BSN: variants seen among roughly 807,000 people sequenced by gnomAD.
The protein encoded by BSN is protein bassoon.
Under a neutral mutation model 264.8 loss-of-function variants are expected in BSN, and 57 were observed. The observed-to-expected ratio is 0.22, with a 90% CI of 0.17 to 0.27. The LOEUF (loss-of-function observed/expected upper bound fraction) is 0.27. BSN is among the 10% of genes least tolerant of loss of function. The pLI is 1.00. For missense variants in BSN, 4,615 were observed against 5,232.5 expected, an observed-to-expected ratio of 0.88 and a Z score of 3.64; for synonymous variants, 2,059 against 2,137.3, an observed-to-expected ratio of 0.96 and a Z score of 1.01.
At chr3:49,663,967 T>TC (rs2052689538) in intron 8 of BSN, 81 bp downstream of exon 8, 5 of 1,303,172 alleles carry the variant, frequency 3.8e-6, no homozygotes, top group Non-Finnish European at 5.4e-6. Context: ...TGCCCTGAGC[T>TC]CCCCCACACT....
In BSN at chr3:49,669,625, G is replaced by T. The variant is rs1039704140; in HGVS notation, c.*2140G>T. The T allele has an allele frequency of 6.6e-6, 1 of 152,356 alleles. No homozygotes were observed. The highest frequency in any genetic ancestry group is 1.5e-5 in the Non-Finnish European group (1 of 68,082). 9.4% of individuals were successfully genotyped at this position (152,356 alleles called of 1,614,324 possible). On this transcript the variant is annotated 3_prime_UTR_variant, in exon 12 of 12. Transcript: ENST00000296452. ...AGGCTCAAAGGACTGTGAGCCAGGA[G>T]ATCTGGGCTGGAGCTAGGGGGTCAA... is the stretch of plus-strand genomic sequence containing the variant.
chr3:49,654,381 C>T lies in BSN; in HGVS notation c.4825C>T (p.Pro1609Ser), dbSNP rs572732973. 30 of 1,604,906 alleles carry T rather than the reference C, an allele frequency of 1.9e-5. No individual in the cohort carries two copies. In the African/African-American group the frequency reaches 3.5e-4, roughly 19 times the overall value. ...GAGTGTGTCTCAGCTGCCCCCAGAG[C>T]CACCTGGGCCACCTGGCTTTCCACG... ...PPSVSQLPPE[P>S]PGPPGFPRVP... Residue 1609 changes from proline to serine, a missense_variant, in exon 5 of 12, where the codon CCA becomes TCA. Around this residue, in one of 3 missense-constraint regions of BSN, gnomAD observed 3,415 missense variants for 3,866.4 expected, o/e 0.88. Coordinates refer to ENST00000296452, the MANE Select transcript of BSN (RefSeq NM_003458.4). This position sits in a 1 kb window ranked among gnomAD's most constrained non-coding sequence, Gnocchi z 4.1.
chr3:49,645,234 G>C (rs2052496200), intron 3 of BSN, among the ~76,000 whole-genome samples: 2 of 152,160 alleles, frequency 1.3e-5, no homozygotes, highest in Admixed American at 1.3e-4. Context: ...CAGCAGTCAG[G>C]GGTGATGAAG....
At chr3:49,592,850 A>T (rs952729710) in intron 1 of BSN, among the ~76,000 whole-genome samples, 1 of 152,172 alleles carries the variant, frequency 6.6e-6, no homozygotes, top group Non-Finnish European at 1.5e-5. Context: ...ATGATATTAT[A>T]ACCAATATTC....
At chr3:49,568,854 T>C (rs959316609) in intron 1 of BSN, among the ~76,000 whole-genome samples, 8 of 152,162 alleles carry the variant, frequency 5.3e-5, no homozygotes, top group Admixed American at 2.0e-4. Context: ...GTATAAGTTG[T>C]TTTTCTCTGT....
intron 1 of BSN, among the ~76,000 whole-genome samples, chr3:49,606,156 T>TAA (rs1392761613): frequency 5.4e-5 from 2 of 37,120 alleles, no homozygotes; most frequent in Non-Finnish European, 8.5e-5. Flanking sequence ...TATGTATATA[T>TAA]TATATATACA....
In BSN at chr3:49,652,622, G is replaced by T; in HGVS notation, c.3066G>T (p.Gln1022His). 1.2e-6 allele frequency: 2 copies of T among 1,613,218 alleles called. No individual in the cohort carries two copies. The highest frequency in any genetic ancestry group is 1.7e-6 in the Non-Finnish European group (2 of 1,179,692). Residue 1022 changes from glutamine (Q) to histidine (H), a missense_variant, in exon 5 of 12, where the codon CAG becomes CAT. Gln to His is a conservative substitution (Grantham distance 24). Transcript: ENST00000296452. ...AGCGTCTAGAAGAAGCAAAGCAGCA[G>T]CGCAAGGCCCGGCACCGCTCCCACG... ...RRQRLEEAKQ[Q>H]RKARHRSHGP... is the part of the protein sequence containing the mutation.
chr3:49,650,551 T>C (rs1575447293), intron 3 of BSN, 61 bp from the exon 4 acceptor site: 6 of 1,413,254 alleles, frequency 4.2e-6, no homozygotes, highest in Middle Eastern at 3.6e-4. Context: ...TATGGAAATA[T>C]TATTTGAGGA....
intron 2 of BSN, among the ~76,000 whole-genome samples, chr3:49,630,765 G>A (rs563193939): frequency 6.6e-6 from 1 of 152,126 alleles, no homozygotes; most frequent in Non-Finnish European, 1.5e-5. Context: ...CAGTAAAAAT[G>A]GTAGAGAAAA....
At chr3:49,632,418 A>G (rs897002116) in intron 2 of BSN, among the ~76,000 whole-genome samples, 3 of 152,240 alleles carry the variant, frequency 2.0e-5, no homozygotes, top group Non-Finnish European at 2.9e-5. Flanking sequence ...AATACTTGCT[A>G]ATTATATATT....
chr3:49,566,676 C>T (rs2051754273), intron 1 of BSN, among the ~76,000 whole-genome samples: 1 of 151,410 alleles, frequency 6.6e-6, no homozygotes, highest in Non-Finnish European at 1.5e-5. Context: ...GTCCCAGCTA[C>T]TCGGGAGGCT....
Position 49,650,890 on chromosome 3 carries a change from C to A in BSN, c.1797C>A (p.Ser599Arg). 1 of 1,614,218 alleles carries A rather than the reference C, an allele frequency of 6.2e-7. No individual in the cohort carries two copies. The change falls in exon 4 of 12, where the codon AGC becomes AGA. Residue 599 changes from serine to arginine, a missense_variant. Ser to Arg is a moderately radical substitution (Grantham distance 110). This residue lies in a region of BSN where 1,197 missense variants were observed against 1,348.0 expected (regional missense o/e 0.89). Coordinates refer to ENST00000296452, the MANE Select transcript of BSN (RefSeq NM_003458.4). ...AGCCCCTCAGGGCTTCTGAACCCAGCAAGACCCCAAGCAGTGTCCAGGAAA... is the reference window on the plus strand; with the variant it reads ...AGCCCCTCAGGGCTTCTGAACCCAGAAAGACCCCAAGCAGTGTCCAGGAAA... ...QAKPLRASEP[S>R]KTPSSVQEKK...
rs1480838828 is a variant in BSN, at chr3:49,652,296, T to C, written c.2740T>C (p.Ser914Pro). The change falls in exon 5 of 12, where the codon TCA becomes CCA. Residue 914 changes from serine to proline, a missense_variant. By Grantham distance (74) the Ser-to-Pro change is moderately conservative. Around this residue, in one of 3 missense-constraint regions of BSN, gnomAD observed 1,197 missense variants for 1,348.0 expected, o/e 0.89. Transcript: ENST00000296452. The stretch of plus-strand genomic sequence containing the variant: ...TGAGGAGCTGCTCCCTGAGGGAGGC[T>C]CAGCAGAGGCTACCGATGGCAGTGG... ...GYEELLPEGG[S>P]AEATDGSGTL... 6.3e-7 allele frequency: 1 copy of C among 1,596,024 alleles called. No individual in the cohort carries two copies. Among genetic ancestry groups the C allele is most frequent in the Non-Finnish European group, 8.5e-7 (1 of 1,170,232 alleles).
In BSN at chr3:49,668,776, C is replaced by G. The variant is rs535943787; in HGVS notation, c.*1291C>G. 3.9e-5 allele frequency: 6 copies of G among 152,754 alleles called. No individual in the cohort carries two copies. The East Asian group carries it at 1.2e-3, about 29-fold the overall frequency. 9.5% of individuals were successfully genotyped at this position (152,754 alleles called of 1,614,324 possible). On this transcript the variant is annotated 3_prime_UTR_variant, in exon 12 of 12. Transcript: ENST00000296452. ...CGGTGGACTGGGCAGCATTCCTCCC[C>G]AGGGCTCTTCCCTTGGGGGCCTCCT...
chr3:49,555,758 A>G (rs571356398), intron 1 of BSN, among the ~76,000 whole-genome samples: 1 of 152,350 alleles, frequency 6.6e-6, no homozygotes, highest in African/African-American at 2.4e-5. Context: ...CTTTGCACCA[A>G]ATAGGCTTGG....
At chr3:49,594,456 C>T (rs976422887) in intron 1 of BSN, among the ~76,000 whole-genome samples, 1 of 152,176 alleles carries the variant, frequency 6.6e-6, no homozygotes, top group Admixed American at 6.5e-5. Flanking sequence ...GTTGGTTTTG[C>T]AGCTTTATAA....
At chr3:49,612,800 CT>C (rs1345656793) in intron 1 of BSN, among the ~76,000 whole-genome samples, 1 of 152,168 alleles carries the variant, frequency 6.6e-6, no homozygotes, top group Non-Finnish European at 1.5e-5. Flanking sequence ...TGGAAGAAAA[CT>C]TTCCCCCTGA....
At position 49,661,997 on chromosome 3, in the gene BSN, C is replaced by T; in HGVS notation, c.10152C>T (p.Asp3384=). 4 of 1,613,936 alleles carry T rather than the reference C, an allele frequency of 2.5e-6. No homozygotes were observed. Among genetic ancestry groups the T allele is most frequent in the Non-Finnish European group, 3.4e-6 (4 of 1,180,038 alleles). The change falls in exon 6 of 12, where the codon GAC becomes GAT. Residue 3384 remains aspartate, a synonymous_variant. Coordinates refer to ENST00000296452, the MANE Select transcript of BSN (RefSeq NM_003458.4). ...PIEEAKDVES[D]LASYPPPAVS... ...AAGAGGCCAAAGACGTAGAGTCAGA[C>T]CTGGCGTCCTACCCCCCACCTGCAG...
chr3:49,631,163 C>T (rs990068855), intron 2 of BSN, among the ~76,000 whole-genome samples: 2 of 152,014 alleles, frequency 1.3e-5, no homozygotes, highest in Non-Finnish European at 2.9e-5. Flanking sequence ...GCAGGAGGCA[C>T]CACTGCCACC....
Sources: allele counts gnomAD v4.1 joint callset (sites outside exome capture counted in the v4.1 genomes callset), GRCh38; gene constraint gnomAD v4.1.1; regional missense constraint gnomAD v4.1.1; non-coding constraint Gnocchi (gnomAD v3.1); transcripts MANE v1.5; gene names NCBI Gene and HGNC (gene_info 2026-07-23, HGNC 2026-07-21).